The following RPH3AL variants were observed in gnomAD, a reference collection of about 807,000 sequenced individuals.
The protein encoded by RPH3AL is rabphilin 3A like (without C2 domains).
A neutral mutation model predicts 43.1 loss-of-function variants in RPH3AL; 38 were observed. The observed-to-expected ratio is 0.88, with a 90% CI of 0.68 to 1.15. The LOEUF is 1.15. RPH3AL is among the 50% of genes most tolerant of loss of function. The probability of loss-of-function intolerance (pLI) is 0.00; values close to 1 mark genes in which losing one functional copy is unlikely to be tolerated. For synonymous variants in RPH3AL, 189 were observed against 176.3 expected, an observed-to-expected ratio of 1.07 and a Z score of -0.57; for missense variants, 462 against 423.2, an observed-to-expected ratio of 1.09 and a Z score of -0.81.
intron 1 of RPH3AL, among the ~76,000 whole-genome samples, chr17:336,656 T>TCCC (rs773808685): frequency 1.8e-4 from 27 of 152,116 alleles, no homozygotes; most frequent in Non-Finnish European, 3.5e-4. Context: ...GCCGTGTGAT[T>TCCC]CCCCTGCTCA....
At chr17:324,709 A>AT (rs879490294) in intron 3 of RPH3AL, among the ~76,000 whole-genome samples, 31,400 of 101,736 alleles carry the variant, frequency 0.31, 3,489 homozygotes, top group Middle Eastern at 0.39. Flanking sequence ...CTAGCTATGT[A>AT]CCTATCTATC....
At chr17:301,226 C>A (rs555332578) in intron 5 of RPH3AL, among the ~76,000 whole-genome samples, 7 of 152,366 alleles carry the variant, frequency 4.6e-5, no homozygotes, top group Non-Finnish European at 1.5e-5. Context: ...GAAAGTGGGA[C>A]GAGACATCAC....
intron 6 of RPH3AL, among the ~76,000 whole-genome samples, chr17:263,884 C>T (rs183128552): frequency 9.9e-5 from 15 of 152,282 alleles, no homozygotes; most frequent in Admixed American, 9.2e-4. Flanking sequence ...CGCCCGGAGT[C>T]GGAATTGTGG....
intron 7 of RPH3AL, among the ~76,000 whole-genome samples, chr17:221,279 T>G (rs372526226): frequency 1.2e-3 from 53 of 45,292 alleles, no homozygotes; most frequent in South Asian, 2.6e-3. Flanking sequence ...CTCTGAGGCC[T>G]CCACTCACTG....
Position 328,237 on chromosome 17 carries a change from A to C in RPH3AL, c.-36-658T>G, listed in dbSNP as rs1370838321. Among the ~76,000 whole-genome samples the C allele has an allele frequency of 6.7e-6, 1 of 149,072 alleles. No homozygotes were observed. Among genetic ancestry groups the C allele is most frequent in the Non-Finnish European group, 1.5e-5 (1 of 67,216 alleles). On this transcript the variant is annotated intron_variant, in intron 2 of 9. Coordinates refer to ENST00000331302, the MANE Select transcript of RPH3AL (RefSeq NM_006987.4). The surrounding 1 kb of genome is among the most constrained non-coding windows in gnomAD (Gnocchi z 4.2). ...TGCTCCAGGACCCCCTGAGGGCTTC[A>C]CCTGTGCACTGTCTAGTGTGCCGGC...
At chr17:229,445 T>G (rs1042024573) in intron 7 of RPH3AL, among the ~76,000 whole-genome samples, 1 of 152,060 alleles carries the variant, frequency 6.6e-6, no homozygotes, top group South Asian at 2.1e-4. Flanking sequence ...CAGCAAGGGG[T>G]GGGCCACAGA....
rs1485463204 is a variant in RPH3AL at position 213,942 on chromosome 17, G to T, written c.877-19C>A. The T allele has an allele frequency of 3.1e-6, 5 of 1,602,724 alleles. No homozygotes were observed. The highest frequency in any genetic ancestry group is 1.7e-4 in the Middle Eastern group (1 of 5,734). ...CTTTTACCTTTGGATGAGAGAAAAG[G>T]CCACCACATGGTGAGCAGCGGTGGA... is the stretch of plus-strand genomic sequence containing the variant. On this transcript the variant is annotated intron_variant, in intron 9 of 9. Coordinates refer to ENST00000331302, the MANE Select transcript of RPH3AL (RefSeq NM_006987.4).
At chr17:345,107 A>AACACACACACACACAC (rs548169665) in intron 1 of RPH3AL, among the ~76,000 whole-genome samples, 4 of 134,042 alleles carry the variant, frequency 3.0e-5, no homozygotes, top group Admixed American at 2.9e-4. Context: ...TGTCTCTGAA[A>AACACACACACACACAC]ACACACACAC....
chr17:268,928 G>T (rs1052495339), intron 6 of RPH3AL, among the ~76,000 whole-genome samples: 2 of 151,894 alleles, frequency 1.3e-5, no homozygotes, highest in Non-Finnish European at 2.9e-5. Context: ...ACCCAGGCTG[G>T]AGTGCAGTGC....
chr17:279,433 A>G (rs2042728588), intron 6 of RPH3AL, among the ~76,000 whole-genome samples: 1 of 152,146 alleles, frequency 6.6e-6, no homozygotes, highest in South Asian at 2.1e-4. Flanking sequence ...TAATAGCGTA[A>G]TGCACAGCCT....
At chr17:262,203 A>G (rs2042211112) in intron 6 of RPH3AL, among the ~76,000 whole-genome samples, 1 of 151,898 alleles carries the variant, frequency 6.6e-6, no homozygotes, top group Admixed American at 6.6e-5. Flanking sequence ...CATACGTTTG[A>G]GCCTAAGACG....
chr17:255,967 G>C (rs368047143), intron 6 of RPH3AL, among the ~76,000 whole-genome samples: 2 of 48,106 alleles, frequency 4.2e-5, no homozygotes, highest in African/African-American at 7.1e-5. Flanking sequence ...ACTACCCTAC[G>C]TACTTCCTAT....
At chr17:292,663 G>A (rs1041010076) in intron 5 of RPH3AL, among the ~76,000 whole-genome samples, 4 of 151,942 alleles carry the variant, frequency 2.6e-5, no homozygotes, top group Non-Finnish European at 2.9e-5. Context: ...TCATCCTCCC[G>A]CCTGGACCCA....
chr17:314,962 CATTG>C (rs1258433005), intron 5 of RPH3AL, among the ~76,000 whole-genome samples: 202 of 146,172 alleles, frequency 1.4e-3, no homozygotes, highest in Middle Eastern at 3.8e-3. Flanking sequence ...GCTCCACCTC[CATTG>C]ACCAGTAGTC....
At chr17:247,044 A>G in intron 7 of RPH3AL, 67 bp downstream of exon 7, 1 of 1,582,302 alleles carries the variant, frequency 6.3e-7, no homozygotes, top group Non-Finnish European at 8.7e-7. Context: ...TGTGCCTGCA[A>G]ACTGCCGGGC....
At position 264,352 on chromosome 17, in the gene RPH3AL, T is replaced by A. The variant is rs538998591; in HGVS notation, c.439-17067A>T. On this transcript the variant is annotated intron_variant, in intron 6 of 9. Coordinates refer to ENST00000331302, the MANE Select transcript of RPH3AL (RefSeq NM_006987.4). This position sits in a 1 kb window ranked among gnomAD's most constrained non-coding sequence, Gnocchi z 4.8. ...ACCCTTCGGAGCCGTGCGCGCTGGA[T>A]GGGGACTCAGAATCCGCAGCACGTT... Among the ~76,000 whole-genome samples, 5 of 81,962 alleles carry A rather than the reference T, an allele frequency of 6.1e-5. No individual in the cohort carries two copies. Among genetic ancestry groups the A allele is most frequent in the Non-Finnish European group, 1.3e-4 (5 of 39,812 alleles). 53.8% of individuals were successfully genotyped at this position (81,962 alleles called of 152,430 possible).
chr17:244,575 G>A (rs191483124), intron 7 of RPH3AL, among the ~76,000 whole-genome samples: 14 of 152,188 alleles, frequency 9.2e-5, no homozygotes, highest in Admixed American at 5.9e-4. Context: ...TGCTGGCCCC[G>A]GGGCCCTCGG....
Position 290,955 on chromosome 17 carries a change from T to C in RPH3AL, c.352-9101A>G, listed in dbSNP as rs1000307558. Among the ~76,000 whole-genome samples the C allele has an allele frequency of 2.6e-5, 4 of 151,030 alleles. No homozygotes were observed. The highest frequency in any genetic ancestry group is 9.7e-5 in the African/African-American group (4 of 41,042). ...AGGGTGAAACTGCGCTCAAACGTCC[T>C]GTACAAGGAGGCCTGGACCATCCAT... On this transcript the variant is annotated intron_variant, in intron 5 of 9. Coordinates refer to ENST00000331302, the MANE Select transcript of RPH3AL (RefSeq NM_006987.4). The surrounding 1 kb of genome is among the most constrained non-coding windows in gnomAD (Gnocchi z 4.2).
At chr17:230,686 G>A (rs951815586) in intron 7 of RPH3AL, among the ~76,000 whole-genome samples, 1 of 152,188 alleles carries the variant, frequency 6.6e-6, no homozygotes, top group African/African-American at 2.4e-5. Flanking sequence ...TTTGGTTTAT[G>A]AAAGAATGAA....
Sources: allele counts gnomAD v4.1 joint callset (sites outside exome capture counted in the v4.1 genomes callset), GRCh38; gene constraint gnomAD v4.1.1; non-coding constraint Gnocchi (gnomAD v3.1); transcripts MANE v1.5; gene names NCBI Gene and HGNC (gene_info 2026-07-23, HGNC 2026-07-21).